Variants in CYRIB observed in about 807,000 individuals in gnomAD.
The protein encoded by CYRIB is CYFIP related Rac1 interactor B.
A neutral mutation model predicts 44.2 loss-of-function variants in CYRIB; 8 were observed. The ratio of observed to expected loss-of-function variants is 0.18; its 90% CI spans 0.11 to 0.33. The LOEUF (loss-of-function observed/expected upper bound fraction) is 0.33. Among genes scored for constraint, CYRIB ranks in the 10% least tolerant of loss-of-function variants. The pLI is 1.00. For missense variants in CYRIB, 185 were observed against 382.8 expected, an observed-to-expected ratio of 0.48 and a Z score of 4.31; for synonymous variants, 131 against 127.2, an observed-to-expected ratio of 1.03 and a Z score of -0.20.
intron 5 of CYRIB, among the ~76,000 whole-genome samples, chr8:129,859,882 C>T (rs2048414344): frequency 6.6e-6 from 1 of 152,198 alleles, no homozygotes; most frequent in South Asian, 2.1e-4. Context: ...CGGTCTCTTG[C>T]CTCGGCACCT....
chr8:129,983,411 C>G (rs978700177), intron 1 of CYRIB, among the ~76,000 whole-genome samples: 61 of 152,112 alleles, frequency 4.0e-4, no homozygotes, highest in African/African-American at 1.4e-3. Flanking sequence ...TGCCACTGCA[C>G]TCCAGCCAGG....
chr8:129,940,285 C>T (rs2093586566), upstream of CYRIB, among the ~76,000 whole-genome samples: 1 of 152,242 alleles, frequency 6.6e-6, no homozygotes, highest in South Asian at 2.1e-4. Flanking sequence ...GCGGGCGCGC[C>T]TCTCCCCTTT....
chr8:129,984,135 G>A (rs2096363846), intron 1 of CYRIB, among the ~76,000 whole-genome samples: 1 of 152,228 alleles, frequency 6.6e-6, no homozygotes, highest in African/African-American at 2.4e-5. Flanking sequence ...CACCAGCAGG[G>A]AGAAGCACTA....
chr8:129,854,406 T>C, intron 6 of CYRIB, 63 bp from the exon 9 acceptor site: 2 of 1,199,334 alleles, frequency 1.7e-6, no homozygotes, highest in Non-Finnish European at 2.4e-6. Flanking sequence ...AAAAACTAAG[T>C]AAAAAATCTT....
At chr8:129,866,616 A>T (rs2053767605) in intron 4 of CYRIB, among the ~76,000 whole-genome samples, 1 of 152,242 alleles carries the variant, frequency 6.6e-6, no homozygotes, top group Admixed American at 6.5e-5. Context: ...CAAATAGACA[A>T]AAGTTAAAAT....
intron 4 of CYRIB, among the ~76,000 whole-genome samples, chr8:129,866,236 T>C (rs958558901): frequency 6.6e-6 from 1 of 152,228 alleles, no homozygotes; most frequent in Non-Finnish European, 1.5e-5. Flanking sequence ...CACAATGCAT[T>C]GCATTTGTTT....
intron 1 of CYRIB, among the ~76,000 whole-genome samples, chr8:129,924,034 G>C (rs1449673503): frequency 6.7e-6 from 1 of 149,268 alleles, no homozygotes; most frequent in Admixed American, 6.8e-5. Flanking sequence ...ACTTTGCAAG[G>C]CTGAGGCAGG....
chr8:129,925,869 A>C (rs1262987495), intron 1 of CYRIB, among the ~76,000 whole-genome samples: 1 of 152,242 alleles, frequency 6.6e-6, no homozygotes, highest in Non-Finnish European at 1.5e-5. Flanking sequence ...CAACAAAGAC[A>C]GAGGAAAGAG....
At chr8:129,899,496 T>C (rs536089468) in intron 2 of CYRIB, among the ~76,000 whole-genome samples, 1 of 152,352 alleles carries the variant, frequency 6.6e-6, no homozygotes, top group East Asian at 1.9e-4. Flanking sequence ...CCATTAATTA[T>C]TACACCTTCT....
chr8:129,893,352 G>A (rs1379675191), intron 2 of CYRIB, among the ~76,000 whole-genome samples: 1 of 152,110 alleles, frequency 6.6e-6, no homozygotes, highest in Non-Finnish European at 1.5e-5. Flanking sequence ...AAGTGGAAGA[G>A]ACCAGACAAG....
chr8:129,938,565 G>GT (rs1298010911), intron 1 of CYRIB, among the ~76,000 whole-genome samples: 1 of 152,192 alleles, frequency 6.6e-6, no homozygotes, highest in Non-Finnish European at 1.5e-5. Context: ...ATGGCACTTT[G>GT]TGGTACTCCA....
In CYRIB at chr8:129,889,487, T is replaced by C. The variant is rs937489492; in HGVS notation, c.-10-10016A>G. Among the ~76,000 whole-genome samples the C allele has an allele frequency of 3.8e-4, 58 of 152,294 alleles. 1 individual carries two copies. Among genetic ancestry groups the C allele is most frequent in the African/African-American group, 1.4e-3 (57 of 41,564 alleles). ...GATTCTTCTGATGGATCTGAGAAAG[T>C]AAATTGAAAGCCTTCTGGAAAGGAT... is the stretch of plus-strand genomic sequence containing the variant. On this transcript the variant is annotated intron_variant, in intron 2 of 11. Transcript: ENST00000519824.
At chr8:129,886,696 T>C (rs116499891) in intron 2 of CYRIB, among the ~76,000 whole-genome samples, 2,530 of 152,168 alleles carry the variant, frequency 0.017, 62 homozygotes, top group African/African-American at 0.053. Context: ...CCAGTGTCAA[T>C]ACTCAGCCCT....
In CYRIB at chr8:129,925,019, C is replaced by T. The variant is rs77655700; in HGVS notation, c.-50+14589G>A. On this transcript the variant is annotated intron_variant, in intron 1 of 11. Transcript: ENST00000519824. The stretch of plus-strand genomic sequence containing the variant: ...CCCTACACAGTACAAGAGCACTACA[C>T]GCTTTTACTCCACTCCTTTCCACCT... Among the ~76,000 whole-genome samples, 93 of 152,274 alleles carry T rather than the reference C, an allele frequency of 6.1e-4. 1 individual carries two copies. The East Asian group carries it at 0.016, about 26-fold the overall frequency.
At chr8:129,856,996 A>C (rs903739654) in intron 5 of CYRIB, among the ~76,000 whole-genome samples, 8 of 152,380 alleles carry the variant, frequency 5.3e-5, no homozygotes, top group African/African-American at 1.9e-4. Context: ...TACTGATTAA[A>C]AACAATAGTA....
At chr8:129,923,826 T>C (rs1250479536) in intron 1 of CYRIB, among the ~76,000 whole-genome samples, 3 of 150,762 alleles carry the variant, frequency 2.0e-5, no homozygotes, top group Non-Finnish European at 4.4e-5. Flanking sequence ...TAATAGGGAA[T>C]ATTTGCTTTA....
intron 1 of CYRIB, among the ~76,000 whole-genome samples, chr8:130,001,857 T>C (rs776796753): frequency 2.6e-5 from 4 of 152,148 alleles, no homozygotes; most frequent in Non-Finnish European, 5.9e-5. Flanking sequence ...CCATCAGCTG[T>C]TTGCCTGGAA....
At chr8:129,999,957 G>A (rs2096871280) in intron 1 of CYRIB, among the ~76,000 whole-genome samples, 1 of 152,074 alleles carries the variant, frequency 6.6e-6, no homozygotes, top group South Asian at 2.1e-4. Context: ...AGGATTAAAC[G>A]AGATGATGTA....
At chr8:129,963,921 T>C (rs1232639487) in intron 2 of CYRIB, among the ~76,000 whole-genome samples, 1 of 152,260 alleles carries the variant, frequency 6.6e-6, no homozygotes, top group Admixed American at 6.5e-5. Flanking sequence ...TTTGGATTTC[T>C]TGTCCATTTG....
Sources: gnomAD v4.1 joint callset for allele counts (sites outside exome capture counted in the v4.1 genomes callset) on GRCh38, gnomAD v4.1.1 for gene constraint, MANE v1.5 for transcripts, NCBI Gene and HGNC (gene_info 2026-07-23, HGNC 2026-07-21) for gene names.